PCDHA7: variants seen among roughly 807,000 people sequenced by gnomAD.
PCDHA7 encodes protocadherin alpha-7.
A neutral mutation model predicts 57.2 loss-of-function variants in PCDHA7; 37 were observed. The ratio of observed to expected loss-of-function variants is 0.65; its 90% confidence interval spans 0.50 to 0.85. PCDHA7 has a LOEUF of 0.85. Ranked by LOEUF, PCDHA7 falls within the 40% of genes least tolerant of loss-of-function variation. The pLI, the probability that PCDHA7 is intolerant of heterozygous loss-of-function variation, is 0.00. For synonymous variants in PCDHA7, 553 were observed against 558.8 expected (o/e 0.99, Z 0.15); for missense variants, 1,188 against 1,241.8 (o/e 0.96, Z 0.65).
At chr5:140,848,269 G>T in intron 1 of PCDHA7, 1 of 502,308 alleles carries the variant, frequency 2.0e-6, no homozygotes, top group Non-Finnish European at 3.5e-6. Context: ...TTTTATTCAT[G>T]AAATATGTAC....
chr5:140,897,885 C>G (rs1554187646), intron 1 of PCDHA7, among the ~76,000 whole-genome samples: 1 of 152,182 alleles, frequency 6.6e-6, no homozygotes, highest in Non-Finnish European at 1.5e-5. Context: ...GCCATTCTAA[C>G]TGGTGTGAGA....
chr5:140,836,684 A>T lies in PCDHA7; in HGVS notation c.2301A>T (p.Thr767=). Reference sequence around the variant, plus strand: ...GCTCTGGGGAGGGCCCACCCAAGACAGACCTCATGGCCTTCAGTCCCAGCC... The same window carrying T: ...GCTCTGGGGAGGGCCCACCCAAGACTGACCTCATGGCCTTCAGTCCCAGCC... ...RVCSGEGPPK[T]DLMAFSPSLP... The change falls in exon 1 of 4, where the codon ACA becomes ACT. Residue 767 remains threonine, a synonymous_variant. Coordinates refer to ENST00000525929, the MANE Select transcript of PCDHA7 (RefSeq NM_018910.3). The T allele has an allele frequency of 6.2e-7, 1 of 1,613,514 alleles. No homozygotes were observed. Among genetic ancestry groups the T allele is most frequent in the Non-Finnish European group, 8.5e-7 (1 of 1,179,624 alleles).
At position 140,834,313 on chromosome 5, in the gene PCDHA7, A is replaced by C; in HGVS notation, c.-71A>C. On this transcript the variant is annotated 5_prime_UTR_variant, in exon 1 of 4. The change abolishes the stop of an existing upstream ORF in the 5' untranslated region. Transcript: ENST00000525929. ...ATGGCCACACATCGAGATTGAAATG[A>C]AGGGATAAAAACATTCCTATAAATT... The C allele has an allele frequency of 7.3e-7, 1 of 1,362,812 alleles. No individual in the cohort carries two copies. 84.4% of individuals were successfully genotyped at this position (1,362,812 alleles called of 1,614,324 possible). A position where few individuals can be genotyped will look rare whatever the true frequency, so the allele number is the denominator to read the frequency against.
rs1032326497 is a variant in PCDHA7, at chr5:140,858,875, C to A, written c.2355+22137C>A. ...TATCTCTTCAGTGAAAATGTGTTTT[C>A]CTCCATGTGTAGAATATGTGTAGCG... On this transcript the variant is annotated intron_variant, in intron 1 of 3. Transcript: ENST00000525929. 1.2e-5 allele frequency: 3 copies of A among 246,542 alleles called. No homozygotes were observed. The East Asian group carries it at 3.3e-4, about 27-fold the overall frequency. 15.3% of individuals were successfully genotyped at this position (246,542 alleles called of 1,614,324 possible).
intron 1 of PCDHA7, chr5:140,967,630 C>T (rs1278035224): frequency 3.7e-6 from 6 of 1,613,982 alleles, no homozygotes; most frequent in Non-Finnish European, 5.1e-6. Context: ...ATGAGGGCTC[C>T]AATGGTGAGC....
intron 1 of PCDHA7, chr5:140,861,357 G>A (rs560903391): frequency 3.0e-5 from 10 of 335,976 alleles, no homozygotes; most frequent in East Asian, 7.7e-5. Context: ...GGCACATAGC[G>A]TCTTCGCGGT....
chr5:140,867,025 C>G lies in PCDHA7; in HGVS notation c.2355+30287C>G, dbSNP rs560327933. 2.6e-5 allele frequency: 4 copies of G among 152,270 alleles called. No homozygotes were observed. The East Asian group carries it at 7.7e-4, about 29-fold the overall frequency. The allele number at this position is 152,270 out of a possible 1,614,324, so 9.4% of individuals were successfully genotyped here. Reference sequence around the variant, plus strand: ...TCATTGATTCATACACTATATCAAACTCTTTTATGACTTGGCGTTTGTTCA... The same window carrying G: ...TCATTGATTCATACACTATATCAAAGTCTTTTATGACTTGGCGTTTGTTCA... On this transcript the variant is annotated intron_variant, in intron 1 of 3. Transcript: ENST00000525929.
intron 1 of PCDHA7, among the ~76,000 whole-genome samples, chr5:140,941,255 C>CTTTCTTTCTTTCTT (rs782490896): frequency 4.1e-3 from 183 of 44,496 alleles, no homozygotes; most frequent in African/African-American, 4.7e-3. Context: ...TTCTTTCTTT[C>CTTTCTTTCTTTCTT]TCTTTCTTTC....
chr5:140,965,036 G>A (rs568573122), intron 1 of PCDHA7, among the ~76,000 whole-genome samples: 1 of 152,272 alleles, frequency 6.6e-6, no homozygotes, highest in African/African-American at 2.4e-5. Context: ...TTAACTGTCC[G>A]CTCTAGGAGG....
Position 140,843,391 on chromosome 5 carries a change from A to G in PCDHA7, c.2355+6653A>G, listed in dbSNP as rs1554140017. On this transcript the variant is annotated intron_variant, in intron 1 of 3. Transcript: ENST00000525929. ...AGTCGGCTGGCGTTTTGGGTCCGGA[A>G]GCGGCGCTGGTGGATGTCAACGTGT... 7.5e-6 allele frequency: 12 copies of G among 1,596,022 alleles called. 1 individual carries two copies. The highest frequency in any genetic ancestry group is 8.6e-6 in the Non-Finnish European group (10 of 1,165,574).
At chr5:140,969,982 G>A (rs1327490843) in intron 1 of PCDHA7, among the ~76,000 whole-genome samples, 1 of 152,184 alleles carries the variant, frequency 6.6e-6, no homozygotes, top group Non-Finnish European at 1.5e-5. Context: ...CAACTCTTCT[G>A]TAGAGGGCTG....
chr5:140,933,945 T>A (rs1435633780), intron 1 of PCDHA7, among the ~76,000 whole-genome samples: 1 of 152,084 alleles, frequency 6.6e-6, no homozygotes, highest in Non-Finnish European at 1.5e-5. Flanking sequence ...TTTTCACATC[T>A]GCAGGATCTG....
chr5:140,967,066 C>T (rs782715200), intron 1 of PCDHA7: 4 of 1,612,790 alleles, frequency 2.5e-6, no homozygotes, highest in African/African-American at 1.3e-5. Flanking sequence ...GAGCGCTCTT[C>T]GTCAACGAGC....
At chr5:140,912,897 G>T (rs782442093) in intron 1 of PCDHA7, among the ~76,000 whole-genome samples, 1 of 152,290 alleles carries the variant, frequency 6.6e-6, no homozygotes, top group East Asian at 1.9e-4. Context: ...TTGATATGAT[G>T]TATCATATTG....
chr5:140,898,644 T>C (rs2066890005), intron 1 of PCDHA7, among the ~76,000 whole-genome samples: 2 of 152,226 alleles, frequency 1.3e-5, no homozygotes, highest in Admixed American at 1.3e-4. Context: ...GCTTTGTTCT[T>C]TTGGCTTAGG....
intron 1 of PCDHA7, chr5:140,870,462 G>C: frequency 1.2e-6 from 2 of 1,614,196 alleles, no homozygotes; most frequent in Non-Finnish European, 1.7e-6. Flanking sequence ...ATGCGCCTGC[G>C]TTCGCACAGC....
At chr5:140,960,444 T>C in intron 1 of PCDHA7, among the ~76,000 whole-genome samples, 1 of 152,022 alleles carries the variant, frequency 6.6e-6, no homozygotes, top group Non-Finnish European at 1.5e-5. Context: ...TAGATATATG[T>C]ATGGATAATT....
chr5:140,896,560 A>G (rs1583236503), intron 1 of PCDHA7, among the ~76,000 whole-genome samples: 2 of 150,934 alleles, frequency 1.3e-5, no homozygotes, highest in African/African-American at 4.9e-5. Flanking sequence ...TATTTTAAGT[A>G]GAGATGGGGT....
chr5:140,853,742 G>A, intron 1 of PCDHA7: 1 of 988,574 alleles, frequency 1.0e-6, no homozygotes, highest in Non-Finnish European at 1.2e-6. Context: ...GAATGTTCTG[G>A]TTCAAGGCTC....
Sources: gnomAD v4.1 joint callset for allele counts (sites outside exome capture counted in the v4.1 genomes callset) on GRCh38, gnomAD v4.1.1 for gene constraint, MANE v1.5 for transcripts, NCBI Gene and HGNC (gene_info 2026-07-23, HGNC 2026-07-21) for gene names.